The following RAD21L1 variants were observed in gnomAD, a reference collection of about 807,000 sequenced individuals.
RAD21L1 encodes RAD21 cohesin complex component like 1, also known as double-strand-break repair protein rad21-like protein 1.
In RAD21L1, 47 loss-of-function variants were observed where a neutral mutation model predicts 69.0. The observed-to-expected ratio is 0.68, with a 90% CI of 0.54 to 0.87. RAD21L1 has a LOEUF of 0.87. RAD21L1 is among the 40% of genes least tolerant of loss of function. RAD21L1 has a pLI of 0.00. For synonymous variants in RAD21L1, 177 were observed against 205.8 expected (o/e 0.86, Z 1.20); for missense variants, 583 against 647.6 (o/e 0.90, Z 1.08).
chr20:1,243,170 A>G lies in RAD21L1; in HGVS notation c.1157A>G (p.Glu386Gly). The G allele has an allele frequency of 6.5e-7, 1 of 1,533,226 alleles. No homozygotes were observed. Among genetic ancestry groups the G allele is most frequent in the Non-Finnish European group, 8.8e-7 (1 of 1,137,358 alleles). The allele number at this position is 1,533,226 out of a possible 1,614,324, so 95.0% of individuals were successfully genotyped here. The change falls in exon 10 of 14, where the codon GAA becomes GGA. Residue 386 changes from glutamate (E) to glycine (G), a missense_variant. By Grantham distance (98) the Glu-to-Gly change is moderately conservative. Transcript: ENST00000683101. ...ATGATACAGAAGGAGTCAGTAAGGG[A>G]AGAAGTGGGAAACCAAAATATAGTA... ...RKMIQKESVR[E>G]EVGNQNIVET...
Position 1,240,320 on chromosome 20 carries a change from G to T in RAD21L1, c.743-1G>T. 4.6e-6 allele frequency: 7 copies of T among 1,530,796 alleles called. No individual in the cohort carries two copies. The highest frequency in any genetic ancestry group is 6.1e-6 in the Non-Finnish European group (7 of 1,139,724). The allele number at this position is 1,530,796 out of a possible 1,614,324, so 94.8% of individuals were successfully genotyped here. ...ATTACTTTTATGTGGATGTTGATTAGTTGAACCAGATAACTCAGAGTGTAT... is the reference window on the plus strand; with the variant it reads ...ATTACTTTTATGTGGATGTTGATTATTTGAACCAGATAACTCAGAGTGTAT... On this transcript the variant is annotated splice_acceptor_variant, in intron 7 of 13. Coordinates refer to ENST00000683101, the MANE Select transcript of RAD21L1 (RefSeq NM_001384355.1). LOFTEE classifies it high-confidence loss of function.
intron 13 of RAD21L1, among the ~76,000 whole-genome samples, chr20:1,250,377 A>G (rs1398781498): frequency 6.6e-6 from 1 of 151,650 alleles, no homozygotes; most frequent in Admixed American, 6.6e-5. Context: ...TAGATTAGGT[A>G]TAGCTCCTAA....
chr20:1,250,934 C>G (rs1253422984), intron 13 of RAD21L1, among the ~76,000 whole-genome samples: 3 of 152,156 alleles, frequency 2.0e-5, no homozygotes, highest in Non-Finnish European at 4.4e-5. Flanking sequence ...CTGTTTAGGT[C>G]TGCTCCATAG....
chr20:1,226,697 C>G (rs1019324795), intron 1 of RAD21L1, among the ~76,000 whole-genome samples: 6 of 152,068 alleles, frequency 3.9e-5, no homozygotes, highest in Admixed American at 1.3e-4. Flanking sequence ...GGTGGCTTCA[C>G]GTTGCACGAA....
chr20:1,226,420 C>CTTG (rs2122744950), intron 1 of RAD21L1: 2 of 152,456 alleles, frequency 1.3e-5, no homozygotes, highest in South Asian at 4.1e-4. Context: ...GCCCGGAACT[C>CTTG]TGAGGAGTCG....
At chr20:1,228,715 C>A in intron 2 of RAD21L1, 118 bp downstream of exon 2, 1 of 748,778 alleles carries the variant, frequency 1.3e-6, no homozygotes. Flanking sequence ...GTCAAATGGT[C>A]TTTCCTTTAA....
At chr20:1,230,110 A>G (rs1332161228) in intron 3 of RAD21L1, 101 bp downstream of exon 3, 4 of 837,794 alleles carry the variant, frequency 4.8e-6, no homozygotes, top group Admixed American at 2.9e-5. Flanking sequence ...GGTGAATGTA[A>G]ACTTAGTTTT....
At chr20:1,229,851 T>C in intron 2 of RAD21L1, 29 bp from the exon 3 acceptor site, 1 of 1,481,552 alleles carries the variant, frequency 6.7e-7, no homozygotes, top group East Asian at 2.5e-5. Context: ...TAATCTTTAC[T>C]CTTCTAATAC....
At chr20:1,232,974 C>A (rs1225909655) in intron 4 of RAD21L1, among the ~76,000 whole-genome samples, 1 of 152,086 alleles carries the variant, frequency 6.6e-6, no homozygotes, top group African/African-American at 2.4e-5. Flanking sequence ...TTTTCTTGTC[C>A]CTTCCACTGT....
intron 13 of RAD21L1, among the ~76,000 whole-genome samples, chr20:1,253,909 G>A (rs2087884195): frequency 6.6e-6 from 1 of 152,172 alleles, no homozygotes; most frequent in South Asian, 2.1e-4. Context: ...TGTATTTGAA[G>A]CCTCCCAAAG....
chr20:1,247,320 C>T (rs978013884), intron 12 of RAD21L1, among the ~76,000 whole-genome samples: 4 of 152,058 alleles, frequency 2.6e-5, no homozygotes, highest in African/African-American at 9.7e-5. Context: ...TTCTTCTGAG[C>T]CTTTCTCTGG....
chr20:1,239,771 C>T (rs146666553), intron 7 of RAD21L1, among the ~76,000 whole-genome samples: 6 of 152,188 alleles, frequency 3.9e-5, no homozygotes, highest in East Asian at 1.9e-4. Flanking sequence ...GAAATTCATA[C>T]GGAAGTACCT....
intron 13 of RAD21L1, among the ~76,000 whole-genome samples, chr20:1,250,565 C>T (rs1425845625): frequency 6.6e-6 from 1 of 152,182 alleles, no homozygotes; most frequent in East Asian, 1.9e-4. Flanking sequence ...CATAGTATTC[C>T]ATGGTGTATA....
At chr20:1,227,022 G>T (rs2087278397) in intron 1 of RAD21L1, among the ~76,000 whole-genome samples, 1 of 152,110 alleles carries the variant, frequency 6.6e-6, no homozygotes, top group Non-Finnish European at 1.5e-5. Context: ...CGATTCTCCT[G>T]CCTCAGCCTC....
chr20:1,247,145 T>C (rs545431503), intron 12 of RAD21L1, among the ~76,000 whole-genome samples: 8 of 152,194 alleles, frequency 5.3e-5, no homozygotes, highest in Non-Finnish European at 7.3e-5. Flanking sequence ...TGCTATTCGC[T>C]GTGCTTCTGT....
intron 11 of RAD21L1, among the ~76,000 whole-genome samples, chr20:1,245,838 G>T (rs1226975158): frequency 1.3e-5 from 2 of 151,892 alleles, no homozygotes; most frequent in African/African-American, 4.8e-5. Flanking sequence ...TCTGCCACCT[G>T]GTATTGGCAT....
chr20:1,229,912 T>G lies in RAD21L1; in HGVS notation c.177T>G (p.Leu59=), dbSNP rs1211576097. 6.5e-7 allele frequency: 1 copy of G among 1,549,286 alleles called. No individual in the cohort carries two copies. The highest frequency in any genetic ancestry group is 2.4e-5 in the East Asian group (1 of 40,824). Residue 59 remains leucine, a synonymous_variant, in exon 3 of 14, where the codon CTT becomes CTG. Transcript: ENST00000683101. ...VKIALRTSGH[L]LLGVVRIYNR... is the part of the protein sequence containing the mutation. The stretch of plus-strand genomic sequence containing the variant: ...TAGCACTTCGAACTTCAGGACACCT[T>G]CTTTTGGGAGTTGTTCGAATCTATA...
At position 1,254,257 on chromosome 20, in the gene RAD21L1, T is replaced by C. The variant is rs1466696148; in HGVS notation, c.1480-12T>C. 5 of 1,456,058 alleles carry C rather than the reference T, an allele frequency of 3.4e-6. No homozygotes were observed. The highest frequency in any genetic ancestry group is 4.6e-6 in the Non-Finnish European group (5 of 1,090,502). The allele number at this position is 1,456,058 out of a possible 1,614,324, so 90.2% of individuals were successfully genotyped here. On this transcript the variant is annotated splice_polypyrimidine_tract_variant and intron_variant, in intron 13 of 13. Transcript: ENST00000683101. ...TTCCCATTTCTTTTTTCTTTTCTAA[T>C]TATTTTCCCAGGAATCTAACAAGAT...
In RAD21L1 at chr20:1,244,131, T is replaced by G. The variant is rs912853668; in HGVS notation, c.1269T>G (p.His423Gln). The G allele has an allele frequency of 6.5e-7, 1 of 1,548,594 alleles. No individual in the cohort carries two copies. Among genetic ancestry groups the G allele is most frequent in the Non-Finnish European group, 8.7e-7 (1 of 1,144,422 alleles). The change falls in exon 11 of 14, where the codon CAT (histidine) becomes CAG (glutamine). Residue 423 changes from histidine (H) to glutamine (Q), a missense_variant. Coordinates refer to ENST00000683101, the MANE Select transcript of RAD21L1 (RefSeq NM_001384355.1). Reference sequence around the variant, plus strand: ...AGGATGTGATTGGTGGATCTCAGCATAGCTCTCATGAGGATACCAATAAAA... The same window carrying G: ...AGGATGTGATTGGTGGATCTCAGCAGAGCTCTCATGAGGATACCAATAAAA... ...TWKDVIGGSQ[H>Q]SSHEDTNKNI...
Sources: gnomAD v4.1 joint callset for allele counts (sites outside exome capture counted in the v4.1 genomes callset) on GRCh38, gnomAD v4.1.1 for gene constraint, MANE v1.5 for transcripts, NCBI Gene and HGNC (gene_info 2026-07-23, HGNC 2026-07-21) for gene names.